HDAC9: variants seen among roughly 807,000 people sequenced by gnomAD.
HDAC9 encodes the protein MEF-2 interacting transcription repressor (MITR) protein.
HDAC9 carries 41 observed loss-of-function variants against 139.4 expected under a neutral mutation model. The ratio of observed to expected loss-of-function variants is 0.29; its 90% CI spans 0.23 to 0.38. The LOEUF is 0.38. Ranked by LOEUF, HDAC9 falls within the 10% of genes least tolerant of loss-of-function variation. The pLI, the probability that HDAC9 is intolerant of heterozygous loss-of-function variation, is 1.00. For synonymous variants in HDAC9, 517 were observed against 476.2 expected, an observed-to-expected ratio of 1.09 and a Z score of -1.12; for missense variants, 1,147 against 1,297.0, an observed-to-expected ratio of 0.88 and a Z score of 1.78.
chr7:18,205,353 G>C (rs931549116), intron 2 of HDAC9, among the ~76,000 whole-genome samples: 3 of 151,844 alleles, frequency 2.0e-5, no homozygotes, highest in Non-Finnish European at 4.4e-5. Flanking sequence ...AAATGTAGTA[G>C]GTTCAGGTCT....
chr7:18,376,935 A>G (rs541417125), intron 1 of HDAC9, among the ~76,000 whole-genome samples: 2 of 152,216 alleles, frequency 1.3e-5, no homozygotes, highest in East Asian at 3.9e-4. Context: ...TATTATGGCA[A>G]CCTAAGCTGA....
Position 18,349,952 on chromosome 7 carries a change from A to G in HDAC9, c.-42+59437A>G, listed in dbSNP as rs149270698. Among the ~76,000 whole-genome samples, 26 of 152,248 alleles carry G rather than the reference A, an allele frequency of 1.7e-4. No individual in the cohort carries two copies. The East Asian group carries it at 5.0e-3, about 29-fold the overall frequency. ...TTACTTCAGTATTAGGAGGTCTTCT[A>G]CTTGCTGACAGAATACTTCGTTTGT... On this transcript the variant is annotated intron_variant, in intron 1 of 3. Coordinates refer to the HDAC9 transcript ENST00000413509.
At chr7:18,786,507 T>TTCCTTCCTTC (rs1562940539) in intron 16 of HDAC9, among the ~76,000 whole-genome samples, 6 of 131,998 alleles carry the variant, frequency 4.5e-5, no homozygotes, top group African/African-American at 9.2e-5. Flanking sequence ...CCTTCCTTCC[T>TTCCTTCCTTC]CTCTCTCATG....
Position 18,999,316 on chromosome 7 carries a change from T to C in HDAC9, c.*3254T>C, listed in dbSNP as rs554026141. ...TTACAGGACTGGTCTCTCTTAATAG[T>C]TTAGTCCTGCTTTATTTCCAAAGGG... is the stretch of plus-strand genomic sequence containing the variant. On this transcript the variant is annotated 3_prime_UTR_variant, in exon 26 of 26. Transcript: ENST00000686413. The C allele has an allele frequency of 6.6e-6, 1 of 152,216 alleles. No homozygotes were observed. The highest frequency in any genetic ancestry group is 1.5e-5 in the Non-Finnish European group (1 of 67,980). The allele number at this position is 152,216 out of a possible 1,614,324, so 9.4% of individuals were successfully genotyped here.
At chr7:18,521,795 T>TA (rs1319179823) in intron 2 of HDAC9, among the ~76,000 whole-genome samples, 1 of 152,296 alleles carries the variant, frequency 6.6e-6, no homozygotes, top group African/African-American at 2.4e-5. Context: ...GTATTGTTTT[T>TA]AAAAAAACAT....
chr7:18,232,091 A>G lies in HDAC9; in HGVS notation c.25+69742A>G, dbSNP rs557796167. Reference sequence around the variant, plus strand: ...TGAGACATTATATTTAAGCACATATAAAATAAGCACACTTTCACATTTAAA... The same window carrying G: ...TGAGACATTATATTTAAGCACATATGAAATAAGCACACTTTCACATTTAAA... On this transcript the variant is annotated intron_variant, in intron 2 of 12. Coordinates refer to the HDAC9 transcript ENST00000417496. Among the ~76,000 whole-genome samples, 14 of 152,338 alleles carry G rather than the reference A, an allele frequency of 9.2e-5. No individual in the cohort carries two copies. The East Asian group carries it at 1.5e-3, about 17-fold the overall frequency.
chr7:18,403,171 TTTCC>T (rs1377665540), intron 1 of HDAC9, among the ~76,000 whole-genome samples: 1 of 152,190 alleles, frequency 6.6e-6, no homozygotes, highest in African/African-American at 2.4e-5. Flanking sequence ...CAGACTTAAA[TTTCC>T]CAGTTAAGTG....
At chr7:18,234,938 T>C (rs1270572845) in intron 2 of HDAC9, among the ~76,000 whole-genome samples, 6 of 152,190 alleles carry the variant, frequency 3.9e-5, no homozygotes, top group Admixed American at 3.9e-4. Context: ...GTGGGGTTTT[T>C]GTTTCATCCA....
intron 22 of HDAC9, among the ~76,000 whole-genome samples, chr7:18,908,249 TTTAA>T (rs1462557551): frequency 6.6e-6 from 1 of 152,104 alleles, no homozygotes. Flanking sequence ...TAAAAAAAAT[TTTAA>T]TTGACACATA....
chr7:18,473,360 T>C (rs1472082510), intron 1 of HDAC9, among the ~76,000 whole-genome samples: 2 of 152,234 alleles, frequency 1.3e-5, no homozygotes, highest in Non-Finnish European at 2.9e-5. Flanking sequence ...TGTTTTCGAT[T>C]CTTTCTTTTA....
chr7:18,152,601 A>G (rs1786863149), intron 1 of HDAC9, among the ~76,000 whole-genome samples: 1 of 152,100 alleles, frequency 6.6e-6, no homozygotes, highest in South Asian at 2.1e-4. Context: ...GCATTTTCTG[A>G]GGGGTTCTTG....
intron 1 of HDAC9, among the ~76,000 whole-genome samples, chr7:18,461,559 T>C (rs1793851536): frequency 6.6e-6 from 1 of 152,154 alleles, no homozygotes; most frequent in Admixed American, 6.5e-5. Context: ...AATAATACAA[T>C]TTCTTTTTTA....
chr7:18,925,540 A>C (rs756497359), intron 22 of HDAC9, among the ~76,000 whole-genome samples: 31 of 152,164 alleles, frequency 2.0e-4, no homozygotes, highest in South Asian at 6.2e-4. Context: ...GATCTACCAC[A>C]ATTATTTTTT....
chr7:18,836,089 A>C (rs1796215667), intron 21 of HDAC9, 92 bp downstream of exon 21: 2 of 664,202 alleles, frequency 3.0e-6, no homozygotes, highest in African/African-American at 1.8e-5. Context: ...TAAATGTCTA[A>C]TTAAGGTAAA....
intron 11 of HDAC9, among the ~76,000 whole-genome samples, chr7:18,653,875 T>C (rs2129045066): frequency 6.6e-6 from 1 of 152,286 alleles, no homozygotes; most frequent in Middle Eastern, 3.4e-3. Context: ...ATATATTCTC[T>C]GAAATCCTCT....
chr7:18,215,870 A>G (rs1441889832), intron 2 of HDAC9, among the ~76,000 whole-genome samples: 1 of 152,152 alleles, frequency 6.6e-6, no homozygotes, highest in African/African-American at 2.4e-5. Context: ...AATCATATAA[A>G]TACATATTTA....
chr7:18,135,593 A>T (rs1378236885), intron 1 of HDAC9, among the ~76,000 whole-genome samples: 5 of 120,484 alleles, frequency 4.1e-5, no homozygotes, highest in Admixed American at 1.7e-4. Context: ...GAGAATGATG[A>T]TTTCCAATTT....
At chr7:18,670,915 A>C (rs1795636110) in intron 12 of HDAC9, among the ~76,000 whole-genome samples, 1 of 151,034 alleles carries the variant, frequency 6.6e-6, no homozygotes, top group Non-Finnish European at 1.5e-5. Flanking sequence ...TGAAGGTTCT[A>C]ATCCTGCACA....
At chr7:18,938,603 AT>A (rs768910810) in intron 23 of HDAC9, among the ~76,000 whole-genome samples, 10 of 152,078 alleles carry the variant, frequency 6.6e-5, no homozygotes, top group South Asian at 4.1e-4. Flanking sequence ...CTCAAAAAAA[AT>A]AATAATAAAA....
Sources: gnomAD v4.1 joint callset for allele counts (sites outside exome capture counted in the v4.1 genomes callset) on GRCh38, gnomAD v4.1.1 for gene constraint, MANE v1.5 for transcripts, NCBI Gene and HGNC (gene_info 2026-07-23, HGNC 2026-07-21) for gene names.